Variants in SIPA1L3 observed in about 807,000 individuals in gnomAD.
SIPA1L3 encodes the protein signal-induced proliferation-associated 1-like protein 3.
A neutral mutation model predicts 150.1 loss-of-function variants in SIPA1L3; 59 were observed. The ratio of observed to expected loss-of-function variants is 0.39; its 90% confidence interval spans 0.32 to 0.49. The LOEUF (loss-of-function observed/expected upper bound fraction) is 0.49. Ranked by LOEUF, SIPA1L3 falls within the 20% of genes least tolerant of loss-of-function variation. SIPA1L3 has a pLI of 0.86. For missense variants in SIPA1L3, 2,211 were observed against 2,489.5 expected, an observed-to-expected ratio of 0.89 and a Z score of 2.38; for synonymous variants, 1,070 against 1,077.6, an observed-to-expected ratio of 0.99 and a Z score of 0.14.
intron 1 of SIPA1L3, among the ~76,000 whole-genome samples, chr19:37,941,896 G>A (rs939582381): frequency 1.6e-4 from 25 of 152,174 alleles, no homozygotes; most frequent in Admixed American, 1.3e-4. Context: ...GGCCAGGGGC[G>A]AGCCCTGACC....
At chr19:37,927,736 G>A (rs1482103919) in intron 1 of SIPA1L3, among the ~76,000 whole-genome samples, 3 of 151,846 alleles carry the variant, frequency 2.0e-5, no homozygotes, top group Admixed American at 2.0e-4. Context: ...GGGTGTGTGT[G>A]TGTGTGTGTG....
intron 1 of SIPA1L3, among the ~76,000 whole-genome samples, chr19:37,943,739 G>T (rs926300467): frequency 2.0e-5 from 3 of 152,114 alleles, no homozygotes; most frequent in Non-Finnish European, 2.9e-5. Context: ...GGTGTGTGTT[G>T]TATGTGACAC....
At chr19:38,001,050 CATAT>C (rs754009507) in intron 1 of SIPA1L3, among the ~76,000 whole-genome samples, 1 of 149,590 alleles carries the variant, frequency 6.7e-6, no homozygotes, top group Non-Finnish European at 1.5e-5. Flanking sequence ...ATATATCACA[CATAT>C]ATATATATCA....
intron 3 of SIPA1L3, chr19:38,087,788 G>T (rs1388218377): frequency 6.6e-6 from 1 of 152,318 alleles, no homozygotes; most frequent in Non-Finnish European, 1.5e-5. Context: ...GGAGGCCGAG[G>T]TGGGCAGATC....
chr19:38,172,902 G>C (rs892161813), intron 15 of SIPA1L3, among the ~76,000 whole-genome samples: 1 of 152,128 alleles, frequency 6.6e-6, no homozygotes, highest in East Asian at 1.9e-4. Context: ...TTGAGCCCAG[G>C]AGTTCAAGAC....
intron 18 of SIPA1L3, among the ~76,000 whole-genome samples, chr19:38,197,478 C>T (rs890347258): frequency 4.0e-5 from 6 of 151,804 alleles, no homozygotes; most frequent in East Asian, 2.0e-4. Flanking sequence ...CCTGAACCTG[C>T]CCCCCCACGG....
intron 15 of SIPA1L3, 31 bp from the exon 16 acceptor site, chr19:38,182,488 T>C (rs777642954): frequency 4.1e-6 from 6 of 1,480,910 alleles, no homozygotes; most frequent in African/African-American, 3.9e-5. Context: ...TGGATTTGGT[T>C]TTTTTTATCT....
At chr19:37,968,497 A>G (rs1158053651) in intron 1 of SIPA1L3, among the ~76,000 whole-genome samples, 1 of 152,216 alleles carries the variant, frequency 6.6e-6, no homozygotes, top group Non-Finnish European at 1.5e-5. Flanking sequence ...TACCCCATGT[A>G]TAAAGCCTTC....
chr19:38,164,620 G>T lies in SIPA1L3; in HGVS notation c.3922G>T (p.Asp1308Tyr). The T allele has an allele frequency of 1.2e-6, 2 of 1,614,014 alleles. No individual in the cohort carries two copies. The highest frequency in any genetic ancestry group is 1.7e-6 in the Non-Finnish European group (2 of 1,179,966). The part of the protein sequence containing the change: ...QDPLSKGGSS[D>Y]SGIDTTLYTS... ...CCCCCTCTCCAAGGGTGGCTCTAGT[G>T]ACAGCGGCATCGACACCACCCTCTA... is the stretch of plus-strand genomic sequence containing the variant. The change falls in exon 15 of 22, where the codon GAC (aspartate) becomes TAC (tyrosine). Residue 1308 changes from aspartate (D) to tyrosine (Y), a missense_variant. Asp to Tyr is a radical substitution (Grantham distance 160, BLOSUM62 -3). Coordinates refer to ENST00000222345, the MANE Select transcript of SIPA1L3 (RefSeq NM_015073.3). The surrounding 1 kb of genome is among the most constrained non-coding windows in gnomAD (Gnocchi z 4.1).
intron 13 of SIPA1L3, 135 bp downstream of exon 13, chr19:38,153,102 G>T: frequency 8.4e-7 from 1 of 1,185,900 alleles, no homozygotes; most frequent in East Asian, 2.6e-5. Context: ...AGCGCCACAT[G>T]TAAGACTAGA....
chr19:38,009,811 G>T (rs903616354), intron 1 of SIPA1L3, among the ~76,000 whole-genome samples: 1 of 152,070 alleles, frequency 6.6e-6, no homozygotes, highest in Non-Finnish European at 1.5e-5. Context: ...TTTTCCCAGT[G>T]ACCAGGAGGA....
At chr19:38,139,602 C>T (rs1449341301) in intron 10 of SIPA1L3, among the ~76,000 whole-genome samples, 1 of 152,182 alleles carries the variant, frequency 6.6e-6, no homozygotes, top group African/African-American at 2.4e-5. Flanking sequence ...GAAGACACTG[C>T]CAAGTGTCAG....
rs112969587 is a variant in SIPA1L3, at chr19:38,174,833, C to CA, written c.4209-7672dup. Among the ~76,000 whole-genome samples the CA allele has an allele frequency of 5.7e-3, 742 of 129,112 alleles. 6 individuals are homozygous for CA. Among genetic ancestry groups the CA allele is most frequent in the African/African-American group, 0.014 (492 of 35,070 alleles). The allele number at this position is 129,112 out of a possible 152,430, so 84.7% of individuals were successfully genotyped here. ...TGGGTGACAGAACTAGACTCTTTCT[C>CA]AAAAAAAAAAAAAAGGATCCTCCAT... On this transcript the variant is annotated intron_variant, in intron 15 of 21. Coordinates refer to ENST00000222345, the MANE Select transcript of SIPA1L3 (RefSeq NM_015073.3).
At chr19:38,036,938 G>C (rs1177862394) in intron 2 of SIPA1L3, among the ~76,000 whole-genome samples, 8 of 152,148 alleles carry the variant, frequency 5.3e-5, no homozygotes, top group Non-Finnish European at 1.2e-4. Context: ...CAGAAGCCAC[G>C]TGTTCACTTC....
chr19:38,198,605 C>T, intron 19 of SIPA1L3, 73 bp downstream of exon 19: 3 of 1,310,374 alleles, frequency 2.3e-6, no homozygotes, highest in Non-Finnish European at 3.0e-6. Flanking sequence ...TGGAGGGCCT[C>T]ATGGCTTTGC....
intron 1 of SIPA1L3, among the ~76,000 whole-genome samples, chr19:37,933,759 A>G (rs1010660309): frequency 5.9e-5 from 9 of 152,012 alleles, no homozygotes; most frequent in African/African-American, 2.2e-4. Context: ...CTGTCCTGCA[A>G]CCCCTGCAGT....
At chr19:38,132,733 C>T (rs1446716833) in intron 10 of SIPA1L3, among the ~76,000 whole-genome samples, 8 of 151,296 alleles carry the variant, frequency 5.3e-5, no homozygotes, top group South Asian at 4.2e-4. Flanking sequence ...CTGCAACCTC[C>T]GCCTCCTGGG....
At chr19:38,003,383 A>G (rs1289091057) in intron 1 of SIPA1L3, among the ~76,000 whole-genome samples, 3 of 152,216 alleles carry the variant, frequency 2.0e-5, no homozygotes, top group Non-Finnish European at 4.4e-5. Context: ...GAGGCTCCCC[A>G]AGGAAGTATA....
Position 38,082,810 on chromosome 19 carries a change from C to T in SIPA1L3, c.1245C>T (p.Leu415=), listed in dbSNP as rs139525246. 857 of 1,613,652 alleles carry T rather than the reference C, an allele frequency of 5.3e-4. 9 individuals carry two copies. In the East Asian group the frequency reaches 0.016, roughly 31 times the overall value. The change falls in exon 3 of 22, where the codon CTC becomes CTT. Residue 415 remains leucine, a synonymous_variant. Coordinates refer to ENST00000222345, the MANE Select transcript of SIPA1L3 (RefSeq NM_015073.3). ...GCAAGGAGAACTTGGAGCAGGACCTCGGCGATGACAACAGCAACGACCTGC... is the reference window on the plus strand; with the variant it reads ...GCAAGGAGAACTTGGAGCAGGACCTTGGCGATGACAACAGCAACGACCTGC... ...LNCKENLEQD[L]GDDNSNDLLL...
Sources: gnomAD v4.1 joint callset for allele counts (sites outside exome capture counted in the v4.1 genomes callset) on GRCh38, gnomAD v4.1.1 for gene constraint, Gnocchi (gnomAD v3.1) non-coding constraint, MANE v1.5 for transcripts, NCBI Gene and HGNC (gene_info 2026-07-23, HGNC 2026-07-21) for gene names.